The following ATP6V1H variants were observed in gnomAD, a reference collection of about 807,000 sequenced individuals.
ATP6V1H encodes V-type proton ATPase subunit H.
A neutral mutation model predicts 71.7 loss-of-function variants in ATP6V1H; 39 were observed. The ratio of observed to expected loss-of-function variants is 0.54; its 90% CI spans 0.42 to 0.71. The LOEUF is 0.71. Among genes scored for constraint, ATP6V1H ranks in the 30% least tolerant of loss-of-function variants. ATP6V1H has a pLI of 0.00. For synonymous variants in ATP6V1H, 192 were observed against 199.3 expected (o/e 0.96, Z 0.31); for missense variants, 509 against 594.9 (o/e 0.86, Z 1.50).
intron 9 of ATP6V1H, among the ~76,000 whole-genome samples, chr8:53,786,814 G>A (rs1247234922): frequency 6.6e-6 from 1 of 152,196 alleles, no homozygotes; most frequent in East Asian, 1.9e-4. Context: ...AGAACAAGGT[G>A]GAATCAGGTG....
chr8:53,749,204 T>C (rs1461383435), intron 12 of ATP6V1H, among the ~76,000 whole-genome samples: 1 of 152,224 alleles, frequency 6.6e-6, no homozygotes, highest in African/African-American at 2.4e-5. Context: ...AATTGGACAT[T>C]TGTATTTAGA....
In ATP6V1H at chr8:53,833,216, C is replaced by A. The variant is rs572473339; in HGVS notation, c.114-130G>T. 1.1e-4 allele frequency: 71 copies of A among 638,150 alleles called. No homozygotes were observed. In the East Asian group the frequency reaches 1.9e-3, roughly 17 times the overall value. 39.5% of individuals were successfully genotyped at this position (638,150 alleles called of 1,614,324 possible). On this transcript the variant is annotated intron_variant, in intron 2 of 13. Coordinates refer to ENST00000359530, the MANE Select transcript of ATP6V1H (RefSeq NM_015941.4). ...AGGGCTGACGCAAGGGCCCTGGCAT[C>A]AGACAGACCTGGATTCAATGCTTAG...
At chr8:53,772,922 AC>A (rs58845666) in intron 9 of ATP6V1H, among the ~76,000 whole-genome samples, 3,902 of 138,620 alleles carry the variant, frequency 0.028, 368 homozygotes, top group African/African-American at 0.11. Context: ...AAAAAAAAAA[AC>A]AAAACAGTAA....
intron 12 of ATP6V1H, among the ~76,000 whole-genome samples, chr8:53,755,522 G>A (rs571560570): frequency 2.7e-5 from 4 of 147,890 alleles, no homozygotes; most frequent in African/African-American, 7.5e-5. Context: ...GGTGGGAGTG[G>A]CGATTCTTTT....
chr8:53,754,704 A>G (rs1807930504), intron 12 of ATP6V1H, among the ~76,000 whole-genome samples: 1 of 152,208 alleles, frequency 6.6e-6, no homozygotes, highest in Non-Finnish European at 1.5e-5. Context: ...ATGAAGTATA[A>G]TACCAGGGTG....
intron 7 of ATP6V1H, among the ~76,000 whole-genome samples, chr8:53,807,883 C>T (rs1272310151): frequency 6.6e-6 from 1 of 152,212 alleles, no homozygotes; most frequent in African/African-American, 2.4e-5. Context: ...GCAACACTTC[C>T]AAGGGCTCCA....
intron 9 of ATP6V1H, among the ~76,000 whole-genome samples, chr8:53,777,350 A>T (rs747711115): frequency 2.4e-4 from 36 of 152,206 alleles, no homozygotes; most frequent in Non-Finnish European, 4.4e-4. Context: ...ATACAGGGGA[A>T]CAAAAATACA....
intron 3 of ATP6V1H, chr8:53,832,478 CAG>C (rs1432298839): frequency 6.6e-6 from 1 of 151,830 alleles, no homozygotes; most frequent in Non-Finnish European, 1.5e-5. Context: ...ATATGGCAAA[CAG>C]TAATAAATTT....
chr8:53,800,654 G>C (rs1436162326), intron 8 of ATP6V1H, among the ~76,000 whole-genome samples: 2 of 152,200 alleles, frequency 1.3e-5, no homozygotes, highest in Non-Finnish European at 2.9e-5. Flanking sequence ...CTTCCAGACA[G>C]TATTCTGCAG....
At chr8:53,724,917 G>T (rs1403758105) in intron 13 of ATP6V1H, among the ~76,000 whole-genome samples, 2 of 150,400 alleles carry the variant, frequency 1.3e-5, no homozygotes, top group Non-Finnish European at 2.9e-5. Flanking sequence ...CAGTGTATAT[G>T]TGACTAGATC....
chr8:53,730,115 A>G (rs1806966945), intron 13 of ATP6V1H, among the ~76,000 whole-genome samples: 1 of 152,184 alleles, frequency 6.6e-6, no homozygotes, highest in Non-Finnish European at 1.5e-5. Context: ...TGTAGAAACC[A>G]CGCAAGAATG....
At chr8:53,824,784 G>T (rs2130505410) in intron 4 of ATP6V1H, among the ~76,000 whole-genome samples, 1 of 151,666 alleles carries the variant, frequency 6.6e-6, no homozygotes, top group East Asian at 1.9e-4. Context: ...CATAAGAATT[G>T]AAAAAGAAGT....
intron 13 of ATP6V1H, among the ~76,000 whole-genome samples, chr8:53,717,835 T>C (rs1422797326): frequency 1.3e-5 from 2 of 152,218 alleles, no homozygotes; most frequent in Non-Finnish European, 2.9e-5. Context: ...TGCTTCATTT[T>C]AAGGAGGTCT....
At chr8:53,773,841 A>C (rs1221939568) in intron 9 of ATP6V1H, among the ~76,000 whole-genome samples, 3 of 152,204 alleles carry the variant, frequency 2.0e-5, no homozygotes, top group Non-Finnish European at 2.9e-5. Context: ...TTAAAAAGAA[A>C]CAGAAATCCT....
chr8:53,802,037 G>A lies in ATP6V1H; in HGVS notation c.580-141C>T, dbSNP rs1809926470. 12 of 668,064 alleles carry A rather than the reference G, an allele frequency of 1.8e-5. 1 individual carries two copies. The highest frequency in any genetic ancestry group is 3.0e-5 in the Non-Finnish European group (12 of 402,540). 41.4% of individuals were successfully genotyped at this position (668,064 alleles called of 1,614,324 possible). ...AAAATTCCCTAATCTCTTTTCAAAA[G>A]TTAATCCTCATGTTTGCTTTAATCT... is the stretch of plus-strand genomic sequence containing the variant. On this transcript the variant is annotated intron_variant, in intron 7 of 13. Transcript: ENST00000359530.
At chr8:53,836,986 C>G (rs920538610) in intron 2 of ATP6V1H, among the ~76,000 whole-genome samples, 1 of 151,898 alleles carries the variant, frequency 6.6e-6, no homozygotes, top group African/African-American at 2.4e-5. Flanking sequence ...ACTAAAAATA[C>G]AAAAATTAGC....
At chr8:53,737,484 T>A (rs1443761445) in intron 13 of ATP6V1H, among the ~76,000 whole-genome samples, 1 of 152,186 alleles carries the variant, frequency 6.6e-6, no homozygotes, top group Non-Finnish European at 1.5e-5. Flanking sequence ...GAAAAACTCA[T>A]CCAAGAGACT....
chr8:53,826,525 T>A (rs1336916141), intron 4 of ATP6V1H, among the ~76,000 whole-genome samples: 1 of 152,122 alleles, frequency 6.6e-6, no homozygotes, highest in East Asian at 1.9e-4. Flanking sequence ...TCTGGCATAT[T>A]CTGTTAAGTG....
chr8:53,816,393 A>C (rs1195966930), intron 5 of ATP6V1H, among the ~76,000 whole-genome samples: 1 of 152,206 alleles, frequency 6.6e-6, no homozygotes, highest in Non-Finnish European at 1.5e-5. Context: ...CCCACTCCCC[A>C]GTGGAAATAG....
Sources: allele counts gnomAD v4.1 joint callset (sites outside exome capture counted in the v4.1 genomes callset), GRCh38; gene constraint gnomAD v4.1.1; transcripts MANE v1.5; gene names NCBI Gene and HGNC (gene_info 2026-07-23, HGNC 2026-07-21).